NCAM1: variants seen among roughly 807,000 people sequenced by gnomAD.
The protein encoded by NCAM1 is neural cell adhesion molecule 1, also known as antigen recognized by monoclonal antibody 5.1H11.
In NCAM1, 14 loss-of-function variants were observed where a neutral mutation model predicts 109.8. The ratio of observed to expected loss-of-function variants is 0.13; its 90% CI spans 0.08 to 0.20. The LOEUF is 0.20. Ranked by LOEUF, NCAM1 falls within the 10% of genes least tolerant of loss-of-function variation. The probability of loss-of-function intolerance (pLI) is 1.00; values close to 1 mark genes in which losing one functional copy is unlikely to be tolerated. For missense variants in NCAM1, 774 were observed against 1,109.9 expected (o/e 0.70, Z 4.30); for synonymous variants, 418 against 442.9 (o/e 0.94, Z 0.70).
At chr11:113,009,323 T>TGTTGTTG (rs1951977750) in intron 1 of NCAM1, among the ~76,000 whole-genome samples, 2 of 62,082 alleles carry the variant, frequency 3.2e-5, no homozygotes, top group African/African-American at 5.7e-5. Context: ...TTTTTTTTTT[T>TGTTGTTG]TTTTTTTTTT....
chr11:113,070,873 C>G (rs1938231496), intron 1 of NCAM1, among the ~76,000 whole-genome samples: 1 of 152,248 alleles, frequency 6.6e-6, no homozygotes, highest in Non-Finnish European at 1.5e-5. Flanking sequence ...GACTGGATGC[C>G]TCCCTCACAG....
chr11:113,037,188 T>C (rs1199406247), intron 1 of NCAM1, among the ~76,000 whole-genome samples: 1 of 152,240 alleles, frequency 6.6e-6, no homozygotes, highest in Non-Finnish European at 1.5e-5. Flanking sequence ...CCACATTTTT[T>C]AGCTTATTTA....
chr11:112,974,875 T>A (rs1274529162), intron 1 of NCAM1, among the ~76,000 whole-genome samples: 1 of 151,822 alleles, frequency 6.6e-6, no homozygotes, highest in Non-Finnish European at 1.5e-5. Context: ...TCAGAGGCTC[T>A]ATTGACTTTA....
chr11:113,031,687 A>C (rs1305788329), intron 1 of NCAM1, among the ~76,000 whole-genome samples: 1 of 86,656 alleles, frequency 1.2e-5, no homozygotes, highest in Non-Finnish European at 2.2e-5. Flanking sequence ...AGACTGTCTC[A>C]AAAAAAAAAG....
At chr11:113,202,483 G>C in intron 2 of NCAM1, 30 bp downstream of exon 2, 1 of 1,583,994 alleles carries the variant, frequency 6.3e-7, no homozygotes, top group South Asian at 1.2e-5. Context: ...CTGCATTTTA[G>C]AACTTGCTTC....
At chr11:113,046,336 C>T (rs987623065) in intron 1 of NCAM1, among the ~76,000 whole-genome samples, 11 of 152,320 alleles carry the variant, frequency 7.2e-5, no homozygotes, top group African/African-American at 2.6e-4. Context: ...GGGCTTTGAA[C>T]ACAGGCAGTC....
chr11:113,150,452 C>T (rs1942184984), intron 1 of NCAM1, among the ~76,000 whole-genome samples: 1 of 152,160 alleles, frequency 6.6e-6, no homozygotes, highest in South Asian at 2.1e-4. Context: ...CTTGGGATTT[C>T]CTGTTGAGAG....
intron 1 of NCAM1, among the ~76,000 whole-genome samples, chr11:113,118,391 C>T (rs1555095323): frequency 2.0e-5 from 3 of 151,718 alleles, no homozygotes; most frequent in South Asian, 2.1e-4. Flanking sequence ...AGAAAAGGGC[C>T]CTGCCTTTAT....
chr11:113,098,734 G>T (rs1446358600), intron 1 of NCAM1, among the ~76,000 whole-genome samples: 1 of 152,174 alleles, frequency 6.6e-6, no homozygotes, highest in African/African-American at 2.4e-5. Flanking sequence ...AAGAACTGGA[G>T]TAGAGCAAAG....
intron 1 of NCAM1, among the ~76,000 whole-genome samples, chr11:113,106,780 G>T (rs1393444609): frequency 6.6e-6 from 1 of 152,170 alleles, no homozygotes; most frequent in African/African-American, 2.4e-5. Context: ...CTGCAATTCT[G>T]GGATGCTCCA....
At chr11:113,131,133 T>C (rs1941367039) in intron 1 of NCAM1, among the ~76,000 whole-genome samples, 1 of 152,202 alleles carries the variant, frequency 6.6e-6, no homozygotes, top group Non-Finnish European at 1.5e-5. Context: ...GACCTTGTGG[T>C]CTGATCCAAG....
chr11:113,229,610 T>A (rs1263996866), intron 9 of NCAM1, among the ~76,000 whole-genome samples: 2 of 152,200 alleles, frequency 1.3e-5, no homozygotes, highest in African/African-American at 4.8e-5. Flanking sequence ...TACAAATCAT[T>A]CTGCTATAAA....
chr11:113,263,033 G>A, intron 17 of NCAM1: 2 of 1,513,308 alleles, frequency 1.3e-6, no homozygotes, highest in Non-Finnish European at 1.8e-6. Context: ...CAGCTGCTGA[G>A]CAACCATTCT....
At chr11:113,055,204 T>A (rs1415463466) in intron 1 of NCAM1, among the ~76,000 whole-genome samples, 1 of 152,224 alleles carries the variant, frequency 6.6e-6, no homozygotes, top group Non-Finnish European at 1.5e-5. Flanking sequence ...GAGGTTGACA[T>A]TTTCCTTAGT....
At chr11:113,012,997 T>C (rs1952110154) in intron 1 of NCAM1, among the ~76,000 whole-genome samples, 1 of 152,176 alleles carries the variant, frequency 6.6e-6, no homozygotes, top group South Asian at 2.1e-4. Flanking sequence ...TATGGTCATA[T>C]TTATGGAGAG....
At chr11:113,228,595 A>G (rs1944915104) in intron 9 of NCAM1, among the ~76,000 whole-genome samples, 2 of 152,336 alleles carry the variant, frequency 1.3e-5, no homozygotes, top group African/African-American at 4.8e-5. Flanking sequence ...TAAAGTTCAT[A>G]TGGAACCAAA....
intron 1 of NCAM1, among the ~76,000 whole-genome samples, chr11:113,181,332 C>T (rs1208394208): frequency 6.6e-6 from 1 of 152,174 alleles, no homozygotes; most frequent in Non-Finnish European, 1.5e-5. Flanking sequence ...GCTGTTTGGC[C>T]TTGACAGGTG....
rs1250507654 is a variant in NCAM1 at position 113,262,705 on chromosome 11, T to G, written c.2131+2382T>G. On this transcript the variant is annotated intron_variant, in intron 17 of 19. Coordinates refer to ENST00000316851, the MANE Select transcript of NCAM1 (RefSeq NM_181351.5). ...TTTTTTCTCTGTTTCTGTCTCTACC[T>G]TCCCTTTCCTTCTGTCCCCCTCCCC... 3.3e-6 allele frequency: 3 copies of G among 905,442 alleles called. No homozygotes were observed. In the African/African-American group the frequency reaches 5.0e-5, roughly 15 times the overall value. The allele number at this position is 905,442 out of a possible 1,614,324, so 56.1% of individuals were successfully genotyped here. A position where few individuals can be genotyped will look rare whatever the true frequency, so the allele number is the denominator to read the frequency against.
rs1467009764 is a variant in NCAM1 at position 113,276,559 on chromosome 11, T to A, written c.*1172T>A. 1 of 152,608 alleles carries A rather than the reference T, an allele frequency of 6.6e-6. No individual in the cohort carries two copies. Among genetic ancestry groups the A allele is most frequent in the Non-Finnish European group, 1.5e-5 (1 of 68,038 alleles). 9.5% of individuals were successfully genotyped at this position (152,608 alleles called of 1,614,324 possible). The stretch of plus-strand genomic sequence containing the variant: ...TGAACACACATTATTACCCCACACA[T>A]CCCCTTTGTGTAGAAAGCCAAATAA... On this transcript the variant is annotated 3_prime_UTR_variant, in exon 20 of 20. Transcript: ENST00000316851.
Sources: allele counts gnomAD v4.1 joint callset (sites outside exome capture counted in the v4.1 genomes callset), GRCh38; gene constraint gnomAD v4.1.1; transcripts MANE v1.5; gene names NCBI Gene and HGNC (gene_info 2026-07-23, HGNC 2026-07-21).